The following RBFOX1 variants were observed in gnomAD, a reference collection of about 807,000 sequenced individuals.
The protein encoded by RBFOX1 is RNA binding protein fox-1 homolog 1.
A neutral mutation model predicts 57.7 loss-of-function variants in RBFOX1; 8 were observed. The ratio of observed to expected loss-of-function variants is 0.14; its 90% CI spans 0.08 to 0.25. RBFOX1 has a LOEUF of 0.25. RBFOX1 is among the 10% of genes least tolerant of loss of function. The probability of loss-of-function intolerance (pLI) is 1.00; values close to 1 mark genes in which losing one functional copy is unlikely to be tolerated. For missense variants in RBFOX1, 611 were observed against 548.5 expected (o/e 1.11, Z -1.14); for synonymous variants, 326 against 222.4 (o/e 1.47, Z -4.15).
chr16:5,476,541 C>T (rs1009108802), intron 2 of RBFOX1, among the ~76,000 whole-genome samples: 8 of 152,228 alleles, frequency 5.3e-5, no homozygotes, highest in African/African-American at 1.9e-4. Flanking sequence ...CAATTTGAAG[C>T]TCAGCCCTGG....
At chr16:7,698,484 A>G (rs555264831) in intron 14 of RBFOX1, among the ~76,000 whole-genome samples, 1 of 152,204 alleles carries the variant, frequency 6.6e-6, no homozygotes, top group East Asian at 1.9e-4. Context: ...CAGGGGTACA[A>G]GGAGGTGTCA....
chr16:7,138,579 C>G (rs921041414), intron 4 of RBFOX1, among the ~76,000 whole-genome samples: 13 of 152,186 alleles, frequency 8.5e-5, no homozygotes, highest in Admixed American at 7.2e-4. Context: ...CTCATCCCCA[C>G]TTTTCCTTCA....
In RBFOX1 at chr16:7,533,278, G is replaced by A. The variant is rs531678409; in HGVS notation, c.270+14889G>A. On this transcript the variant is annotated intron_variant, in intron 5 of 15. Transcript: ENST00000550418. Reference sequence around the variant, plus strand: ...TCTTTCCATCAAACTGGACTTCCCTGTGGAACTCCAGAAAGAAAATGAAAA... The same window carrying A: ...TCTTTCCATCAAACTGGACTTCCCTATGGAACTCCAGAAAGAAAATGAAAA... 5.3e-5 allele frequency among the ~76,000 whole-genome samples: 8 copies of A among 152,290 alleles called. No individual in the cohort carries two copies. In the East Asian group the frequency reaches 1.2e-3, roughly 22 times the overall value.
intron 4 of RBFOX1, among the ~76,000 whole-genome samples, chr16:5,931,559 A>G (rs1237960267): frequency 6.6e-6 from 1 of 152,186 alleles, no homozygotes; most frequent in African/African-American, 2.4e-5. Context: ...GTGTAGGCAG[A>G]TAGGTAAGTC....
chr16:6,254,245 A>C (rs896676183), intron 1 of RBFOX1, among the ~76,000 whole-genome samples: 1 of 152,192 alleles, frequency 6.6e-6, no homozygotes, highest in Non-Finnish European at 1.5e-5. Flanking sequence ...GCCTGGATCC[A>C]TGTGAACTAA....
chr16:6,185,288 A>G (rs1040808012), intron 1 of RBFOX1, among the ~76,000 whole-genome samples: 2 of 152,076 alleles, frequency 1.3e-5, no homozygotes, highest in African/African-American at 2.4e-5. Context: ...ACTTGTCTAT[A>G]TTTGCTATAA....
At chr16:6,522,998 A>T (rs975541388) in intron 2 of RBFOX1, among the ~76,000 whole-genome samples, 2 of 152,220 alleles carry the variant, frequency 1.3e-5, no homozygotes, top group African/African-American at 4.8e-5. Flanking sequence ...TTTAGGCATC[A>T]AAGAACCATT....
At chr16:5,740,517 T>A (rs116772218) in intron 3 of RBFOX1, among the ~76,000 whole-genome samples, 1 of 152,172 alleles carries the variant, frequency 6.6e-6, no homozygotes, top group Non-Finnish European at 1.5e-5. Context: ...TAGGACTCAA[T>A]TGATTACACG....
At chr16:7,692,564 C>G (rs979588570) in intron 14 of RBFOX1, among the ~76,000 whole-genome samples, 1 of 152,162 alleles carries the variant, frequency 6.6e-6, no homozygotes. Context: ...CCTAGCCAAC[C>G]TCATTGTGCC....
chr16:7,233,487 C>A (rs760155068), intron 4 of RBFOX1, among the ~76,000 whole-genome samples: 6 of 152,050 alleles, frequency 3.9e-5, no homozygotes, highest in Non-Finnish European at 8.8e-5. Context: ...GACAGCAGGC[C>A]GTCGATCAGC....
intron 3 of RBFOX1, among the ~76,000 whole-genome samples, chr16:6,758,254 G>A (rs948186246): frequency 2.0e-5 from 3 of 151,968 alleles, no homozygotes; most frequent in Admixed American, 6.6e-5. Flanking sequence ...TCAGTCCTCT[G>A]CTTGCTTTGT....
intron 2 of RBFOX1, among the ~76,000 whole-genome samples, chr16:6,623,624 C>G (rs1046554185): frequency 3.3e-5 from 5 of 151,724 alleles, no homozygotes; most frequent in African/African-American, 1.2e-4. Flanking sequence ...GCCCCGGTGT[C>G]TAATGTTCCC....
Position 7,056,686 on chromosome 16 carries a change from C to T in RBFOX1, c.27+4588C>T, listed in dbSNP as rs550999973. 1.9e-3 allele frequency among the ~76,000 whole-genome samples: 292 copies of T among 152,242 alleles called. 1 individual carries two copies. Among genetic ancestry groups the T allele is most frequent in the Non-Finnish European group, 3.0e-3 (202 of 68,022 alleles). ...TCCAAAGCCCACCTTTCTGAGCACT[C>T]ATAAAATATTTGATTACAAAGGGAT... On this transcript the variant is annotated intron_variant, in intron 4 of 15. Coordinates refer to ENST00000550418, the MANE Select transcript of RBFOX1 (RefSeq NM_018723.4).
At chr16:5,465,985 AG>A (rs1396473287) in intron 1 of RBFOX1, among the ~76,000 whole-genome samples, 3 of 152,118 alleles carry the variant, frequency 2.0e-5, no homozygotes, top group African/African-American at 7.2e-5. Context: ...TGATGGGACC[AG>A]TTGGTTTTGG....
At chr16:7,301,235 GAA>G (rs1382496321) in intron 4 of RBFOX1, among the ~76,000 whole-genome samples, 1 of 152,196 alleles carries the variant, frequency 6.6e-6, no homozygotes, top group Admixed American at 6.5e-5. Flanking sequence ...GTTATCAATG[GAA>G]AAGTGTTCCT....
Position 6,219,551 on chromosome 16 carries a change from T to C in RBFOX1, c.-126-97444T>C, listed in dbSNP as rs568606880. Reference sequence around the variant, plus strand: ...TATTGTATGGAGTGAACTCGGGCAATTCACTTAACCTCTCAATTGCTTTAT... The same window carrying C: ...TATTGTATGGAGTGAACTCGGGCAACTCACTTAACCTCTCAATTGCTTTAT... On this transcript the variant is annotated intron_variant, in intron 1 of 15. Transcript: ENST00000550418. Among the ~76,000 whole-genome samples the C allele has an allele frequency of 1.2e-4, 18 of 152,254 alleles. No individual in the cohort carries two copies. The East Asian group carries it at 3.5e-3, about 29-fold the overall frequency.
At chr16:6,100,301 T>C (rs2096289359) in intron 1 of RBFOX1, among the ~76,000 whole-genome samples, 2 of 152,146 alleles carry the variant, frequency 1.3e-5, no homozygotes, top group Admixed American at 6.5e-5. Context: ...GAGCTGGGAC[T>C]ACAGGCGCCC....
intron 4 of RBFOX1, among the ~76,000 whole-genome samples, chr16:7,491,765 G>C (rs1442905271): frequency 6.6e-6 from 1 of 152,078 alleles, no homozygotes; most frequent in African/African-American, 2.4e-5. Flanking sequence ...TGAGTAGCTA[G>C]GACCGCAGGC....
intron 4 of RBFOX1, among the ~76,000 whole-genome samples, 175 bp downstream of exon 4, chr16:7,052,273 A>G (rs568753757): frequency 3.9e-5 from 6 of 152,188 alleles, no homozygotes; most frequent in African/African-American, 7.2e-5. Flanking sequence ...TAAATACAGT[A>G]TATCTTCTTT....
Sources: gnomAD v4.1 joint callset for allele counts (sites outside exome capture counted in the v4.1 genomes callset) on GRCh38, gnomAD v4.1.1 for gene constraint, MANE v1.5 for transcripts, NCBI Gene and HGNC (gene_info 2026-07-23, HGNC 2026-07-21) for gene names.